The following TMEM132C variants were observed in gnomAD, a reference collection of about 807,000 sequenced individuals.
TMEM132C encodes the protein protein phosphatase 1, regulatory subunit 152.
A neutral mutation model predicts 61.4 loss-of-function variants in TMEM132C; 29 were observed. That is an observed-to-expected ratio of 0.47 (90% CI 0.35 to 0.64). The LOEUF (loss-of-function observed/expected upper bound fraction) is 0.64, where lower values mean the gene tolerates loss of function less well. TMEM132C is among the 30% of genes least tolerant of loss of function. The pLI is 0.00. For synonymous variants in TMEM132C, 656 were observed against 633.1 expected (o/e 1.04, Z -0.54); for missense variants, 1,408 against 1,476.9 (o/e 0.95, Z 0.76).
intron 1 of TMEM132C, among the ~76,000 whole-genome samples, chr12:128,361,197 T>G (rs1394280100): frequency 6.6e-6 from 1 of 152,226 alleles, no homozygotes; most frequent in Non-Finnish European, 1.5e-5. Flanking sequence ...CCCAGAGGAT[T>G]GGCCTAGGTG....
At chr12:128,404,662 A>T (rs556131877) in intron 1 of TMEM132C, 28 of 150,004 alleles carry the variant, frequency 1.9e-4, no homozygotes, top group African/African-American at 6.4e-4. Context: ...ACCATCCTTT[A>T]TGTCCCAGCC....
intron 1 of TMEM132C, among the ~76,000 whole-genome samples, chr12:128,341,409 C>A (rs1872974296): frequency 6.6e-6 from 1 of 152,212 alleles, no homozygotes; most frequent in African/African-American, 2.4e-5. Flanking sequence ...AAAGTAATTA[C>A]TGTCATTGCT....
At chr12:128,268,178 C>A (rs1245925892) in intron 1 of TMEM132C, among the ~76,000 whole-genome samples, 1 of 152,204 alleles carries the variant, frequency 6.6e-6, no homozygotes, top group African/African-American at 2.4e-5. Context: ...CACCAGCGGT[C>A]CTGTCCGGGG....
intron 5 of TMEM132C, among the ~76,000 whole-genome samples, chr12:128,690,525 G>C (rs1395767063): frequency 6.6e-6 from 1 of 152,082 alleles, no homozygotes; most frequent in Non-Finnish European, 1.5e-5. Context: ...GAGCAGCCAG[G>C]TTTCCTCCCA....
At chr12:128,374,989 C>CT (rs1565916788) in intron 1 of TMEM132C, among the ~76,000 whole-genome samples, 1 of 69,212 alleles carries the variant, frequency 1.4e-5, no homozygotes, top group Non-Finnish European at 5.7e-5. Flanking sequence ...GAAAACCATT[C>CT]CCAGCCTCAG....
intron 2 of TMEM132C, among the ~76,000 whole-genome samples, chr12:128,497,684 G>A (rs1045398238): frequency 9.9e-5 from 15 of 152,170 alleles, no homozygotes; most frequent in Admixed American, 7.2e-4. Context: ...TTGGAAAAGC[G>A]CAGTATTAGG....
At position 128,356,116 on chromosome 12, in the gene TMEM132C, A is replaced by G. The variant is rs1171456002; in HGVS notation, c.86-58616A>G. Among the ~76,000 whole-genome samples, 10 of 152,232 alleles carry G rather than the reference A, an allele frequency of 6.6e-5. 1 individual carries two copies. Among genetic ancestry groups the G allele is most frequent in the Non-Finnish European group, 1.5e-4 (10 of 68,048 alleles). On this transcript the variant is annotated intron_variant, in intron 1 of 8. Transcript: ENST00000435159. The stretch of plus-strand genomic sequence containing the variant: ...GATGGAAGAAATGAATTACCCTTGA[A>G]CACCCTTAGGGTTTGGATGGTCGGA...
intron 2 of TMEM132C, among the ~76,000 whole-genome samples, chr12:128,509,959 T>C (rs1395710040): frequency 6.6e-6 from 1 of 152,216 alleles, no homozygotes; most frequent in East Asian, 1.9e-4. Context: ...ATTGTGACTT[T>C]ATCATCATAC....
At chr12:128,339,358 C>A (rs1376471053) in intron 1 of TMEM132C, among the ~76,000 whole-genome samples, 2 of 151,938 alleles carry the variant, frequency 1.3e-5, no homozygotes, top group African/African-American at 4.8e-5. Context: ...CTTGTCTGTG[C>A]TGGTTTATCC....
intron 1 of TMEM132C, among the ~76,000 whole-genome samples, chr12:128,314,754 C>T (rs1207185149): frequency 6.6e-6 from 1 of 152,140 alleles, no homozygotes; most frequent in Non-Finnish European, 1.5e-5. Flanking sequence ...GGCACAGATG[C>T]TCCCTCGTGG....
intron 2 of TMEM132C, among the ~76,000 whole-genome samples, chr12:128,457,764 G>A (rs367623148): frequency 2.0e-5 from 3 of 152,092 alleles, no homozygotes; most frequent in South Asian, 4.1e-4. Context: ...AATGGGCCAA[G>A]TTTAAGAAAA....
intron 2 of TMEM132C, among the ~76,000 whole-genome samples, chr12:128,518,790 C>A (rs1872805710): frequency 6.6e-6 from 1 of 151,910 alleles, no homozygotes; most frequent in South Asian, 2.1e-4. Context: ...CAGGGACACA[C>A]CCTTATTTCA....
chr12:128,645,146 G>T (rs1317809665), intron 4 of TMEM132C, among the ~76,000 whole-genome samples: 1 of 152,130 alleles, frequency 6.6e-6, no homozygotes, highest in Non-Finnish European at 1.5e-5. Flanking sequence ...AGAAAGCCTG[G>T]GAAACTAGAT....
At chr12:128,320,736 C>T (rs1329857610) in intron 1 of TMEM132C, among the ~76,000 whole-genome samples, 1 of 150,992 alleles carries the variant, frequency 6.6e-6, no homozygotes, top group Non-Finnish European at 1.5e-5. Flanking sequence ...GCTGAGATCA[C>T]ACCAGTGTAC....
chr12:128,564,388 C>T (rs1874626682), intron 3 of TMEM132C, among the ~76,000 whole-genome samples: 1 of 152,174 alleles, frequency 6.6e-6, no homozygotes, highest in African/African-American at 2.4e-5. Context: ...ATCACAGCAT[C>T]ATCTCCAGCA....
At chr12:128,315,965 T>C (rs1207886329) in intron 1 of TMEM132C, among the ~76,000 whole-genome samples, 1 of 151,848 alleles carries the variant, frequency 6.6e-6, no homozygotes, top group East Asian at 1.9e-4. Context: ...GACACCGTGA[T>C]TTCAGCCTTT....
At chr12:128,406,257 G>A (rs895121311) in intron 1 of TMEM132C, among the ~76,000 whole-genome samples, 10 of 152,052 alleles carry the variant, frequency 6.6e-5, no homozygotes, top group Non-Finnish European at 8.8e-5. Context: ...AAGTGGCTTC[G>A]TCCCCCATCT....
At chr12:128,310,251 C>T (rs1297191685) in intron 1 of TMEM132C, among the ~76,000 whole-genome samples, 1 of 152,140 alleles carries the variant, frequency 6.6e-6, no homozygotes, top group Non-Finnish European at 1.5e-5. Context: ...CCATTAAATA[C>T]AAAGGATGAA....
chr12:128,418,012 C>T (rs527776893), intron 2 of TMEM132C, among the ~76,000 whole-genome samples: 4 of 152,230 alleles, frequency 2.6e-5, no homozygotes, highest in South Asian at 2.1e-4. Flanking sequence ...GCGCAGCAGC[C>T]GTATTCCCTC....
Sources: gnomAD v4.1 joint callset for allele counts (sites outside exome capture counted in the v4.1 genomes callset) on GRCh38, gnomAD v4.1.1 for gene constraint, MANE v1.5 for transcripts, NCBI Gene and HGNC (gene_info 2026-07-23, HGNC 2026-07-21) for gene names.